OCRL: variants seen among roughly 807,000 people sequenced by gnomAD.
OCRL encodes OCRL inositol polyphosphate-5-phosphatase, also known as inositol polyphosphate 5-phosphatase OCRL.
A neutral mutation model predicts 78.9 loss-of-function variants in OCRL; 8 were observed. That is an observed-to-expected ratio of 0.10 (90% confidence interval 0.06 to 0.18). The LOEUF is 0.18. OCRL is among the 10% of genes least tolerant of loss of function. OCRL has a pLI of 1.00. For synonymous variants in OCRL, 240 were observed against 235.4 expected, an observed-to-expected ratio of 1.02 and a Z score of -0.18; for missense variants, 454 against 696.7, an observed-to-expected ratio of 0.65 and a Z score of 3.92.
chrX:129,546,786 A>G (rs1158507203), intron 3 of OCRL, among the ~76,000 whole-genome samples: 1 of 112,087 alleles, frequency 8.9e-6, no homozygotes, highest in Non-Finnish European at 1.9e-5. Context: ...TAAGAAATCA[A>G]TTGCTGATTG....
At chrX:129,548,255 C>T (rs1380684633) in intron 3 of OCRL, among the ~76,000 whole-genome samples, 3 of 112,072 alleles carry the variant, frequency 2.7e-5, no homozygotes, top group African/African-American at 6.5e-5. Context: ...AACTTGCTTT[C>T]GCTGAATTAA....
At chrX:129,561,514 GA>G (rs1936145250) in intron 10 of OCRL, among the ~76,000 whole-genome samples, 1 of 111,386 alleles carries the variant, frequency 9.0e-6, no homozygotes, top group Non-Finnish European at 1.9e-5. Context: ...GCTTTTAGGG[GA>G]AAAAAGAATT....
In OCRL at chrX:129,557,444, A is replaced by T. The variant is rs1936071171; in HGVS notation, c.349+9A>T. 8.5e-7 allele frequency: 1 copy of T among 1,170,407 alleles called. No homozygotes were observed. Among genetic ancestry groups the T allele is most frequent in the Non-Finnish European group, 1.2e-6 (1 of 860,285 alleles). ...CCTTGCTGCTCAGAAAGGTAACTAA[A>T]GACTCAGCGATTTTCTTTCTTCTAT... is the stretch of plus-strand genomic sequence containing the variant. On this transcript the variant is annotated intron_variant, in intron 5 of 23. Coordinates refer to ENST00000371113, the MANE Select transcript of OCRL (RefSeq NM_000276.4).
At chrX:129,552,624 C>A (rs1758008619) in intron 4 of OCRL, among the ~76,000 whole-genome samples, 1 of 111,895 alleles carries the variant, frequency 8.9e-6, no homozygotes, top group South Asian at 3.7e-4. Flanking sequence ...GGGGTTTTGC[C>A]TTATTGGCCA....
chrX:129,555,004 A>AAATAAATAAATAAAT (rs1338328438), intron 4 of OCRL, among the ~76,000 whole-genome samples: 1 of 95,919 alleles, frequency 1.0e-5, no homozygotes, highest in Non-Finnish European at 2.2e-5. Context: ...AATAAATAAA[A>AAATAAATAAATAAAT]ATAAGAGGGT....
At chrX:129,572,058 T>C (rs1936309193) in intron 15 of OCRL, among the ~76,000 whole-genome samples, 1 of 112,226 alleles carries the variant, frequency 8.9e-6, no homozygotes, top group African/African-American at 3.2e-5. Flanking sequence ...CTAGTGCAAC[T>C]GAGAACTGAA....
intron 12 of OCRL, 39 bp downstream of exon 12, chrX:129,562,825 T>C: frequency 5.3e-6 from 6 of 1,134,733 alleles, no homozygotes; most frequent in Non-Finnish European, 7.3e-6. Context: ...GAGTAGTGGC[T>C]ACAGGAGTTT....
chrX:129,558,970 G>C lies in OCRL; in HGVS notation c.691G>C (p.Glu231Gln). 8.3e-7 allele frequency: 1 copy of C among 1,210,878 alleles called. No individual in the cohort carries two copies. Among genetic ancestry groups the C allele is most frequent in the Non-Finnish European group, 1.1e-6 (1 of 895,181 alleles). Residue 231 changes from glutamate (E) to glutamine (Q), a missense_variant, in exon 8 of 24, where the codon GAG becomes CAG. By Grantham distance (29) the Glu-to-Gln change is conservative. This residue lies in a region of OCRL where 177 missense variants were observed against 179.6 expected (regional missense o/e 0.99). Transcript: ENST00000371113. ...GLIKHILAKREKEYVNIQTFR... is the reference protein window; with the variant it reads ...GLIKHILAKRQKEYVNIQTFR... ...CATCAAACATATCCTGGCAAAGCGA[G>C]AGAAAGAATATGTCAACATTCAGAC... is the stretch of plus-strand genomic sequence containing the variant.
rs752533217 is a variant in OCRL, at chrX:129,591,322, T to A, written c.*1052T>A. Reference sequence around the variant, plus strand: ...TTCCTCAGCAGGACTGACTCTGGGCTCTACAACCAGCTCCTTCACATAAAG... The same window carrying A: ...TTCCTCAGCAGGACTGACTCTGGGCACTACAACCAGCTCCTTCACATAAAG... On this transcript the variant is annotated 3_prime_UTR_variant, in exon 24 of 24. Coordinates refer to ENST00000371113, the MANE Select transcript of OCRL (RefSeq NM_000276.4). 3.6e-5 allele frequency: 4 copies of A among 111,882 alleles called. No individual in the cohort carries two copies. The highest frequency in any genetic ancestry group is 5.6e-5 in the Non-Finnish European group (3 of 53,210). 9.2% of individuals were successfully genotyped at this position (111,882 alleles called of 1,213,427 possible). A position where few individuals can be genotyped will look rare whatever the true frequency, so the allele number is the denominator to read the frequency against.
At chrX:129,555,002 A>AATAAATAAATAT (rs977817163) in intron 4 of OCRL, among the ~76,000 whole-genome samples, 3 of 105,842 alleles carry the variant, frequency 2.8e-5, no homozygotes, top group Non-Finnish European at 5.8e-5. Context: ...TAAATAAATA[A>AATAAATAAATAT]AAATAAGAGG....
chrX:129,575,145 G>A lies in OCRL; in HGVS notation c.1608G>A (p.Lys536=). 8.4e-7 allele frequency: 1 copy of A among 1,193,149 alleles called. No individual in the cohort carries two copies. The highest frequency in any genetic ancestry group is 1.1e-6 in the Non-Finnish European group (1 of 878,313). Residue 536 remains lysine, a synonymous_variant, in exon 16 of 24, where the codon AAG becomes AAA. Transcript: ENST00000371113. ...GAGGATACATTTTCTTTCAGGTGAA[G>A]GTTGTGGATGAACGAAGGTACCGGA... ...PVSALFHIGV[K]VVDERRYRKV... is the part of the protein sequence containing the mutation.
At chrX:129,546,548 G>A (rs1935881027) in intron 3 of OCRL, among the ~76,000 whole-genome samples, 1 of 112,138 alleles carries the variant, frequency 8.9e-6, no homozygotes, top group South Asian at 3.7e-4. Flanking sequence ...TATTTGTATG[G>A]AAGAATGAAG....
intron 20 of OCRL, among the ~76,000 whole-genome samples, chrX:129,587,718 T>C (rs988589643): frequency 9.1e-6 from 1 of 109,337 alleles, no homozygotes; most frequent in Admixed American, 9.9e-5. Context: ...CTGTTTGGAC[T>C]CTGCCTTCTG....
At chrX:129,576,580 C>G in intron 18 of OCRL, 28 bp downstream of exon 18, 1 of 1,069,983 alleles carries the variant, frequency 9.3e-7, no homozygotes, top group Non-Finnish European at 1.3e-6. Flanking sequence ...ACATAAACCT[C>G]TTTTACATTT....
intron 18 of OCRL, among the ~76,000 whole-genome samples, chrX:129,582,282 A>G (rs1008916433): frequency 2.7e-5 from 3 of 111,823 alleles, no homozygotes; most frequent in African/African-American, 9.8e-5. Context: ...AATTATAACA[A>G]TACCAGTCTG....
At chrX:129,577,257 A>G (rs1936380864) in intron 18 of OCRL, among the ~76,000 whole-genome samples, 2 of 111,135 alleles carry the variant, frequency 1.8e-5, no homozygotes, top group African/African-American at 6.6e-5. Flanking sequence ...ATACTTACTT[A>G]ATGTGATGTG....
chrX:129,579,457 T>A (rs1425899783), intron 18 of OCRL, among the ~76,000 whole-genome samples: 1 of 112,018 alleles, frequency 8.9e-6, no homozygotes. Flanking sequence ...GAGTTCAATG[T>A]ATGTGTTGTC....
rs1279696450 is a variant in OCRL at position 129,592,095 on chromosome X, C to G, written c.*1825C>G. ...TATCCTATCTCTTTCTACATCAGATCAAAACACTAAGTTGGTGTACTGCCT... is the reference window on the plus strand; with the variant it reads ...TATCCTATCTCTTTCTACATCAGATGAAAACACTAAGTTGGTGTACTGCCT... On this transcript the variant is annotated 3_prime_UTR_variant, in exon 24 of 24. Transcript: ENST00000371113. 2 of 113,991 alleles carry G rather than the reference C, an allele frequency of 1.8e-5. No individual in the cohort carries two copies. Among genetic ancestry groups the G allele is most frequent in the Non-Finnish European group, 3.8e-5 (2 of 53,329 alleles). 9.4% of individuals were successfully genotyped at this position (113,991 alleles called of 1,213,427 possible).
chrX:129,590,941 G>A lies in OCRL; in HGVS notation c.*671G>A, dbSNP rs759423174. 4 of 115,285 alleles carry A rather than the reference G, an allele frequency of 3.5e-5. No homozygotes were observed. Among genetic ancestry groups the A allele is most frequent in the Non-Finnish European group, 3.7e-5 (2 of 54,633 alleles). 9.5% of individuals were successfully genotyped at this position (115,285 alleles called of 1,213,427 possible). A position where few individuals can be genotyped will look rare whatever the true frequency, so the allele number is the denominator to read the frequency against. On this transcript the variant is annotated 3_prime_UTR_variant, in exon 24 of 24. Coordinates refer to ENST00000371113, the MANE Select transcript of OCRL (RefSeq NM_000276.4). Reference sequence around the variant, plus strand: ...TTAGATCACATTTAGTAGCATAACTGTAGGGACTATTAGAGATGGCATCTC... The same window carrying A: ...TTAGATCACATTTAGTAGCATAACTATAGGGACTATTAGAGATGGCATCTC...
Sources: allele counts gnomAD v4.1 joint callset (sites outside exome capture counted in the v4.1 genomes callset), GRCh38; gene constraint gnomAD v4.1.1; regional missense constraint gnomAD v4.1.1; transcripts MANE v1.5; gene names NCBI Gene and HGNC (gene_info 2026-07-23, HGNC 2026-07-21).